The following TTC27 variants were observed in gnomAD, a reference collection of about 807,000 sequenced individuals.
TTC27 encodes tetratricopeptide repeat protein 27.
TTC27 carries 79 observed loss-of-function variants against 115.9 expected under a neutral mutation model. The ratio of observed to expected loss-of-function variants is 0.68; its 90% CI spans 0.57 to 0.82. The LOEUF (loss-of-function observed/expected upper bound fraction) is 0.82, where lower values mean the gene tolerates loss of function less well. Among genes scored for constraint, TTC27 ranks in the 40% least tolerant of loss-of-function variants. The pLI is 0.00. For missense variants in TTC27, 1,054 were observed against 993.1 expected (o/e 1.06, Z -0.82); for synonymous variants, 401 against 356.0 (o/e 1.13, Z -1.42).
intron 3 of TTC27, among the ~76,000 whole-genome samples, chr2:32,635,995 TA>T (rs1262804421): frequency 6.6e-6 from 1 of 152,018 alleles, no homozygotes; most frequent in Non-Finnish European, 1.5e-5. Context: ...AAAATGGGAG[TA>T]AAAAAACCCC....
intron 15 of TTC27, among the ~76,000 whole-genome samples, chr2:32,784,615 T>C (rs1329012027): frequency 6.6e-6 from 1 of 152,186 alleles, no homozygotes; most frequent in Non-Finnish European, 1.5e-5. Context: ...ATATCTCTAC[T>C]ATAGAGGGGT....
intron 10 of TTC27, among the ~76,000 whole-genome samples, chr2:32,730,196 C>A (rs1180918169): frequency 1.3e-5 from 2 of 152,124 alleles, no homozygotes; most frequent in African/African-American, 4.8e-5. Flanking sequence ...TTGTGTTCGG[C>A]TTAAAATTAA....
At chr2:32,754,320 C>G (rs1300400401) in intron 12 of TTC27, among the ~76,000 whole-genome samples, 1 of 149,744 alleles carries the variant, frequency 6.7e-6, no homozygotes, top group Non-Finnish European at 1.5e-5. Context: ...TCCCTGGGTA[C>G]TTGAGATTAG....
In TTC27 at chr2:32,672,268, C is replaced by G; in HGVS notation, c.940-4C>G. 1 of 1,607,914 alleles carries G rather than the reference C, an allele frequency of 6.2e-7. No homozygotes were observed. Reference sequence around the variant, plus strand: ...TCTAAGTATTTTCTTTTGTATTCTACTAGAATCTTGAGCTCAATGATGACA... The same window carrying G: ...TCTAAGTATTTTCTTTTGTATTCTAGTAGAATCTTGAGCTCAATGATGACA... On this transcript the variant is annotated splice_polypyrimidine_tract_variant and splice_region_variant and intron_variant, in intron 7 of 19. Transcript: ENST00000317907.
rs1558328762 is a variant in TTC27, at chr2:32,758,538, C to T, written c.1680+19C>T. On this transcript the variant is annotated intron_variant, in intron 13 of 19. Transcript: ENST00000317907. ...CATGCAGGTTAGACAACTCATAACC[C>T]CCTGCTGCTCTCAGCGCTTGTGCTG... 1 of 1,604,506 alleles carries T rather than the reference C, an allele frequency of 6.2e-7. No homozygotes were observed. Among genetic ancestry groups the T allele is most frequent in the Middle Eastern group, 1.7e-4 (1 of 6,050 alleles).
chr2:32,819,461 G>A (rs1671610958), intron 19 of TTC27, among the ~76,000 whole-genome samples: 2 of 152,248 alleles, frequency 1.3e-5, no homozygotes, highest in South Asian at 4.2e-4. Flanking sequence ...TTGTCAAACT[G>A]AATTGCATTC....
intron 19 of TTC27, among the ~76,000 whole-genome samples, chr2:32,820,571 G>A (rs1671660757): frequency 1.3e-5 from 2 of 152,260 alleles, no homozygotes; most frequent in Admixed American, 6.5e-5. Flanking sequence ...TGAGAATTTA[G>A]GCAAATGCGT....
chr2:32,653,016 A>C (rs569164351), intron 5 of TTC27, among the ~76,000 whole-genome samples: 2 of 152,336 alleles, frequency 1.3e-5, no homozygotes, highest in Admixed American at 1.3e-4. Context: ...GTAGGTCAGA[A>C]TCTATTCCTC....
At chr2:32,799,711 C>T (rs1670856717) in intron 16 of TTC27, among the ~76,000 whole-genome samples, 1 of 152,122 alleles carries the variant, frequency 6.6e-6, no homozygotes, top group Non-Finnish European at 1.5e-5. Flanking sequence ...AAAGAGTTAA[C>T]ATCTGCTGCA....
At chr2:32,673,915 C>T (rs1666102038) in intron 8 of TTC27, among the ~76,000 whole-genome samples, 1 of 151,962 alleles carries the variant, frequency 6.6e-6, no homozygotes, top group African/African-American at 2.4e-5. Flanking sequence ...TCGCTTGAAC[C>T]GAGAGATTGC....
chr2:32,777,937 G>A lies in TTC27; in HGVS notation c.1736G>A (p.Gly579Asp), dbSNP rs766986235. ...CAYLALEDYQ[G>D]SAKAFQRCVT... ...TATTTGGCCTTGGAAGACTATCAAG[G>A]TTCAGCAAAGGCATTTCAGCGCTGT... The change falls in exon 14 of 20, where the codon GGT becomes GAT. Residue 579 changes from glycine (G) to aspartate (D), a missense_variant. Gly to Asp is a moderately conservative substitution (Grantham distance 94). Transcript: ENST00000317907. 7 of 1,614,032 alleles carry A rather than the reference G, an allele frequency of 4.3e-6. No homozygotes were observed. Among genetic ancestry groups the A allele is most frequent in the East Asian group, 2.2e-5 (1 of 44,856 alleles).
At chr2:32,767,764 A>G (rs1193761149) in intron 13 of TTC27, among the ~76,000 whole-genome samples, 1 of 152,188 alleles carries the variant, frequency 6.6e-6, no homozygotes, top group Non-Finnish European at 1.5e-5. Flanking sequence ...CCCGGCCATT[A>G]TAAGTTTTAA....
At chr2:32,781,183 T>C (rs1670164099) in intron 14 of TTC27, among the ~76,000 whole-genome samples, 1 of 152,036 alleles carries the variant, frequency 6.6e-6, no homozygotes, top group South Asian at 2.1e-4. Context: ...CGACAAGCAG[T>C]TCCAGCAGTC....
intron 13 of TTC27, among the ~76,000 whole-genome samples, chr2:32,767,459 T>G (rs981217555): frequency 2.1e-5 from 3 of 141,064 alleles, no homozygotes; most frequent in African/African-American, 5.3e-5. Flanking sequence ...TTTTGTTTTT[T>G]TTTTTTTTTT....
At chr2:32,764,875 A>G (rs918830943) in intron 13 of TTC27, among the ~76,000 whole-genome samples, 1 of 152,230 alleles carries the variant, frequency 6.6e-6, no homozygotes, top group African/African-American at 2.4e-5. Flanking sequence ...CATTTCTTCA[A>G]GTTTTATCAT....
At chr2:32,725,496 C>T (rs1249334147) in intron 10 of TTC27, among the ~76,000 whole-genome samples, 2 of 152,174 alleles carry the variant, frequency 1.3e-5, no homozygotes, top group African/African-American at 4.8e-5. Context: ...AAATGATCTC[C>T]TTTGACTCCT....
intron 5 of TTC27, among the ~76,000 whole-genome samples, chr2:32,663,270 A>G (rs866562324): frequency 7.9e-5 from 12 of 152,268 alleles, no homozygotes; most frequent in South Asian, 4.1e-4. Flanking sequence ...ACGGCTGCCC[A>G]GTTTTGTGCT....
Position 32,678,857 on chromosome 2 carries a change from A to G in TTC27, c.1054A>G (p.Thr352Ala), listed in dbSNP as rs1449640343. 1.2e-6 allele frequency: 2 copies of G among 1,607,374 alleles called. No individual in the cohort carries two copies. Among genetic ancestry groups the G allele is most frequent in the Non-Finnish European group, 8.5e-7 (1 of 1,176,606 alleles). Residue 352 changes from threonine (T) to alanine (A), a missense_variant and splice_region_variant, in exon 9 of 20, where the codon ACT becomes GCT. Thr to Ala is a moderately conservative substitution (Grantham distance 58, BLOSUM62 0). Coordinates refer to ENST00000317907, the MANE Select transcript of TTC27 (RefSeq NM_017735.5). ...TTACCTTTTTTTCTTAATTTAAAGC[A>G]CTAATTTTCAAAAGAATAACCCAGT... ...EEIAIILGIC[T>A]NFQKNNPVHT...
chr2:32,634,946 C>A (rs774980377), intron 3 of TTC27, among the ~76,000 whole-genome samples: 3 of 152,142 alleles, frequency 2.0e-5, no homozygotes. Flanking sequence ...CGTGAGCCAC[C>A]ATTCCCGGCT....
Sources: allele counts gnomAD v4.1 joint callset (sites outside exome capture counted in the v4.1 genomes callset), GRCh38; gene constraint gnomAD v4.1.1; transcripts MANE v1.5; gene names NCBI Gene and HGNC (gene_info 2026-07-23, HGNC 2026-07-21).